Variants in DGKI observed in about 807,000 individuals in gnomAD.
DGKI encodes DAG kinase iota.
DGKI carries 55 observed loss-of-function variants against 147.5 expected under a neutral mutation model. The observed-to-expected ratio is 0.37, with a 90% CI of 0.30 to 0.47. The LOEUF (loss-of-function observed/expected upper bound fraction) is 0.47. Ranked by LOEUF, DGKI falls within the 20% of genes least tolerant of loss-of-function variation. DGKI has a pLI of 1.00. For synonymous variants in DGKI, 469 were observed against 477.1 expected (o/e 0.98, Z 0.22); for missense variants, 1,007 against 1,323.8 (o/e 0.76, Z 3.71).
chr7:137,781,495 T>A (rs1213781768), intron 1 of DGKI, among the ~76,000 whole-genome samples: 1 of 152,142 alleles, frequency 6.6e-6, no homozygotes, highest in Admixed American at 6.5e-5. Context: ...CTCCTCTCTC[T>A]CAACCCAATT....
At chr7:137,521,805 G>C in intron 21 of DGKI, 61 bp downstream of exon 21, 1 of 1,227,940 alleles carries the variant, frequency 8.1e-7, no homozygotes, top group Non-Finnish European at 1.2e-6. Context: ...TCAAACCAAG[G>C]AGGATCAAGA....
rs1819307401 is a variant in DGKI, at chr7:137,584,276, G to A, written c.1563+933C>T. On this transcript the variant is annotated intron_variant, in intron 14 of 32. Transcript: ENST00000614521. The stretch of plus-strand genomic sequence containing the variant: ...CTGCATTTTAACAAACACACCTGGA[G>A]ATTCTTACACATACAGAGTTTAAAA... 1.3e-5 allele frequency among the ~76,000 whole-genome samples: 2 copies of A among 152,094 alleles called. 1 individual carries two copies. The highest frequency in any genetic ancestry group is 4.1e-4 in the South Asian group (2 of 4,836).
intron 1 of DGKI, among the ~76,000 whole-genome samples, chr7:137,831,127 C>T (rs1373497056): frequency 1.3e-5 from 2 of 152,176 alleles, no homozygotes; most frequent in East Asian, 1.9e-4. Flanking sequence ...CGTAACTATG[C>T]CCCTAATGTA....
At chr7:137,815,863 T>C (rs546379462) in intron 1 of DGKI, among the ~76,000 whole-genome samples, 10 of 152,268 alleles carry the variant, frequency 6.6e-5, no homozygotes, top group African/African-American at 2.4e-4. Flanking sequence ...CTCTTTCTAT[T>C]TTCATTATGG....
chr7:137,586,486 CA>C (rs1282805142), intron 13 of DGKI, among the ~76,000 whole-genome samples: 4 of 151,688 alleles, frequency 2.6e-5, no homozygotes, highest in African/African-American at 9.7e-5. Context: ...TATATATACA[CA>C]GTGTGTGTAT....
At position 137,623,471 on chromosome 7, in the gene DGKI, T is replaced by C; in HGVS notation, c.876+12A>G. ...CATGAGCCCACATTGCTTTATTTCA[T>C]CCCAATCTTACCGCCTGCTTGCACC... On this transcript the variant is annotated intron_variant, in intron 7 of 32. Coordinates refer to ENST00000614521, the MANE Select transcript of DGKI (RefSeq NM_001321708.2). The C allele has an allele frequency of 6.2e-7, 1 of 1,612,920 alleles. No homozygotes were observed. Among genetic ancestry groups the C allele is most frequent in the Middle Eastern group, 1.6e-4 (1 of 6,062 alleles).
chr7:137,470,248 T>C (rs1352376910), intron 23 of DGKI, among the ~76,000 whole-genome samples: 2 of 152,222 alleles, frequency 1.3e-5, no homozygotes, highest in Non-Finnish European at 2.9e-5. Context: ...GACAGCAATG[T>C]GCTCATTCAC....
intron 28 of DGKI, among the ~76,000 whole-genome samples, chr7:137,416,025 A>G (rs536084343): frequency 1.3e-5 from 2 of 152,108 alleles, no homozygotes; most frequent in East Asian, 3.9e-4. Context: ...CAACAACAAA[A>G]TAGCCTATGT....
At chr7:137,535,863 C>T (rs1817500574) in intron 20 of DGKI, among the ~76,000 whole-genome samples, 1 of 152,122 alleles carries the variant, frequency 6.6e-6, no homozygotes, top group Admixed American at 6.6e-5. Context: ...TGGATGTCAG[C>T]ATGACATTTC....
intron 21 of DGKI, among the ~76,000 whole-genome samples, chr7:137,514,780 T>C (rs1816697141): frequency 6.6e-6 from 1 of 152,182 alleles, no homozygotes; most frequent in South Asian, 2.1e-4. Context: ...ACTTTAACTC[T>C]CTCATTCCTA....
chr7:137,725,088 G>A (rs919548716), intron 1 of DGKI, among the ~76,000 whole-genome samples: 3 of 152,070 alleles, frequency 2.0e-5, no homozygotes, highest in African/African-American at 4.8e-5. Context: ...GGTTTGAAAA[G>A]GATTCCCTGA....
At position 137,485,411 on chromosome 7, in the gene DGKI, T is replaced by C; in HGVS notation, c.2336A>G (p.Gln779Arg). The C allele has an allele frequency of 3.1e-6, 5 of 1,608,522 alleles. No individual in the cohort carries two copies. The highest frequency in any genetic ancestry group is 4.2e-6 in the Non-Finnish European group (5 of 1,177,236). ...MYIDRLQEDL[Q>R]SVSSGSQRVH... Reference sequence around the variant, plus strand: ...TCTCTGGGAGCCAGAAGAAACTGACTGTAGGTCCTAATGAGAAAATGAAAA... The same window carrying C: ...TCTCTGGGAGCCAGAAGAAACTGACCGTAGGTCCTAATGAGAAAATGAAAA... Residue 779 changes from glutamine to arginine, a missense_variant, in exon 23 of 33, where the codon CAG becomes CGG. By Grantham distance (43) the Gln-to-Arg change is conservative (BLOSUM62 1). Around this residue, in one of 5 missense-constraint regions of DGKI, gnomAD observed 385 missense variants for 445.2 expected, o/e 0.86. Coordinates refer to ENST00000614521, the MANE Select transcript of DGKI (RefSeq NM_001321708.2).
At chr7:137,651,601 A>C (rs1822028428) in intron 5 of DGKI, among the ~76,000 whole-genome samples, 1 of 152,238 alleles carries the variant, frequency 6.6e-6, no homozygotes, top group South Asian at 2.1e-4. Flanking sequence ...GGAAATGTAA[A>C]GTTAGGAGTT....
At chr7:137,831,862 G>A (rs565735916) in intron 1 of DGKI, among the ~76,000 whole-genome samples, 1 of 152,302 alleles carries the variant, frequency 6.6e-6, no homozygotes, top group African/African-American at 2.4e-5. Context: ...TACTTCCTAG[G>A]TACAATGGGG....
At chr7:137,814,957 T>A (rs1797697563) in intron 1 of DGKI, among the ~76,000 whole-genome samples, 1 of 152,092 alleles carries the variant, frequency 6.6e-6, no homozygotes, top group South Asian at 2.1e-4. Context: ...CCAGTTTGGA[T>A]AATGAAAGAT....
chr7:137,693,741 T>C (rs1317830801), intron 1 of DGKI, among the ~76,000 whole-genome samples: 1 of 152,190 alleles, frequency 6.6e-6, no homozygotes, highest in Non-Finnish European at 1.5e-5. Context: ...AGATCAAGGG[T>C]TGAGAAATCT....
intron 18 of DGKI, 122 bp from the exon 19 acceptor site, chr7:137,571,408 T>G (rs1818789428): frequency 4.5e-6 from 3 of 667,950 alleles, no homozygotes; most frequent in Non-Finnish European, 7.7e-6. Flanking sequence ...CCATTCTTGG[T>G]ACACACCTTC....
intron 19 of DGKI, among the ~76,000 whole-genome samples, chr7:137,561,258 T>A (rs1818409965): frequency 6.6e-6 from 1 of 152,024 alleles, no homozygotes; most frequent in Non-Finnish European, 1.5e-5. Context: ...AAGAATGAAA[T>A]CTTGTGGCAA....
intron 3 of DGKI, among the ~76,000 whole-genome samples, chr7:137,670,363 G>T (rs1249106772): frequency 6.6e-6 from 1 of 152,090 alleles, no homozygotes; most frequent in Non-Finnish European, 1.5e-5. Context: ...GACAGCACTT[G>T]GTACCAAATT....
Sources: allele counts gnomAD v4.1 joint callset (sites outside exome capture counted in the v4.1 genomes callset), GRCh38; gene constraint gnomAD v4.1.1; regional missense constraint gnomAD v4.1.1; transcripts MANE v1.5; gene names NCBI Gene and HGNC (gene_info 2026-07-23, HGNC 2026-07-21).